CDC123: variants seen among roughly 807,000 people sequenced by gnomAD.
The protein encoded by CDC123 is translation initiation factor eIF2 assembly protein.
In CDC123, 37 loss-of-function variants were observed where a neutral mutation model predicts 54.4. That is an observed-to-expected ratio of 0.68 (90% CI 0.52 to 0.89). CDC123 has a LOEUF of 0.89. CDC123 is among the 40% of genes least tolerant of loss of function. The pLI is 0.00. For missense variants in CDC123, 361 were observed against 412.1 expected, an observed-to-expected ratio of 0.88 and a Z score of 1.07; for synonymous variants, 144 against 136.8, an observed-to-expected ratio of 1.05 and a Z score of -0.37.
intron 10 of CDC123, among the ~76,000 whole-genome samples, chr10:12,241,610 C>T (rs1464299789): frequency 1.3e-5 from 2 of 152,192 alleles, no homozygotes; most frequent in African/African-American, 4.8e-5. Flanking sequence ...TACAGACTCT[C>T]ATCCGGGTTG....
At chr10:12,231,476 T>G (rs1835901465) in intron 7 of CDC123, among the ~76,000 whole-genome samples, 1 of 151,872 alleles carries the variant, frequency 6.6e-6, no homozygotes, top group South Asian at 2.1e-4. Flanking sequence ...AATACAAAAA[T>G]TAGCTGGGTG....
intron 6 of CDC123, among the ~76,000 whole-genome samples, chr10:12,228,138 T>C (rs955632596): frequency 3.9e-5 from 6 of 152,094 alleles, no homozygotes; most frequent in Admixed American, 6.6e-5. Context: ...CCTAGCTTTG[T>C]TGCCCAGGCT....
intron 2 of CDC123, among the ~76,000 whole-genome samples, chr10:12,200,328 T>C (rs1297403034): frequency 6.6e-6 from 1 of 150,932 alleles, no homozygotes; most frequent in Non-Finnish European, 1.5e-5. Context: ...GGTTTCACCA[T>C]GTTGGCCGGG....
At chr10:12,208,086 A>C (rs1192874425) in intron 2 of CDC123, among the ~76,000 whole-genome samples, 1 of 152,008 alleles carries the variant, frequency 6.6e-6, no homozygotes, top group East Asian at 1.9e-4. Context: ...TTCACTCAGC[A>C]TTGTCCTTGG....
rs117004479 is a variant in CDC123 at position 12,220,310 on chromosome 10, G to A, written c.440+2843G>A. Among the ~76,000 whole-genome samples the A allele has an allele frequency of 2.7e-3, 418 of 152,154 alleles. 5 individuals carry two copies. The East Asian group carries it at 0.057, about 21-fold the overall frequency. On this transcript the variant is annotated intron_variant, in intron 6 of 12. Transcript: ENST00000281141. The stretch of plus-strand genomic sequence containing the variant: ...AAGCTACGTCTTGCTTTTTATCTTC[G>A]TTTAACTGATGTTCCAGTGGATGGT...
chr10:12,207,929 G>A (rs1835543192), intron 2 of CDC123, among the ~76,000 whole-genome samples: 1 of 152,142 alleles, frequency 6.6e-6, no homozygotes, highest in Non-Finnish European at 1.5e-5. Flanking sequence ...GATATGTCTC[G>A]CTGCTCCCTG....
At chr10:12,237,070 A>C in intron 8 of CDC123, 74 bp from the exon 9 acceptor site, 1 of 1,415,490 alleles carries the variant, frequency 7.1e-7, no homozygotes. Context: ...TTTCCACAAA[A>C]TGTTTAAATC....
intron 9 of CDC123, 143 bp downstream of exon 9, chr10:12,237,409 G>T: frequency 1.6e-6 from 1 of 613,156 alleles, no homozygotes; most frequent in Non-Finnish European, 2.4e-6. Flanking sequence ...TGTTATTTTT[G>T]ATAGTTTGTA....
At chr10:12,224,669 A>G (rs962691175) in intron 6 of CDC123, among the ~76,000 whole-genome samples, 1 of 152,250 alleles carries the variant, frequency 6.6e-6, no homozygotes, top group Non-Finnish European at 1.5e-5. Context: ...ACTGTAGTTG[A>G]ATACCACGTT....
chr10:12,243,513 G>T (rs1836088059), intron 10 of CDC123, among the ~76,000 whole-genome samples: 1 of 152,144 alleles, frequency 6.6e-6, no homozygotes. Flanking sequence ...TAGAGGCTGG[G>T]CACAGAGGGT....
chr10:12,228,878 C>T (rs1835862783), intron 6 of CDC123, among the ~76,000 whole-genome samples: 1 of 152,066 alleles, frequency 6.6e-6, no homozygotes, highest in Non-Finnish European at 1.5e-5. Context: ...CCACGCCTGG[C>T]TAATTTTTGT....
chr10:12,249,958 A>C (rs1194977551), intron 12 of CDC123: 2 of 517,290 alleles, frequency 3.9e-6, no homozygotes, highest in African/African-American at 1.9e-5. Flanking sequence ...ACATTTTTCA[A>C]AATACTTGTA....
At chr10:12,198,892 T>A in intron 2 of CDC123, 116 bp downstream of exon 2, 1 of 648,588 alleles carries the variant, frequency 1.5e-6, no homozygotes, top group South Asian at 1.8e-5. Flanking sequence ...CTAGCCAAAA[T>A]GATGTGCTGA....
chr10:12,233,755 G>A (rs1030249614), intron 7 of CDC123, among the ~76,000 whole-genome samples: 1 of 151,984 alleles, frequency 6.6e-6, no homozygotes, highest in Non-Finnish European at 1.5e-5. Context: ...AATGAAAAAT[G>A]AAATCAGTGC....
intron 6 of CDC123, 128 bp downstream of exon 6, chr10:12,217,595 C>A: frequency 1.2e-6 from 1 of 843,598 alleles, no homozygotes; most frequent in Non-Finnish European, 1.7e-6. Flanking sequence ...TTTCATATTG[C>A]CAAAATGACC....
chr10:12,210,813 G>T (rs997489025), intron 4 of CDC123, among the ~76,000 whole-genome samples: 1 of 152,116 alleles, frequency 6.6e-6, no homozygotes, highest in Non-Finnish European at 1.5e-5. Flanking sequence ...CTATTCTCCT[G>T]CCTCAGCCTC....
chr10:12,226,732 C>T (rs991801517), intron 6 of CDC123, among the ~76,000 whole-genome samples: 12 of 150,092 alleles, frequency 8.0e-5, no homozygotes, highest in East Asian at 6.0e-4. Context: ...ATTTCCTAGA[C>T]GGGATGGCGG....
At chr10:12,230,787 A>G (rs1379704165) in intron 6 of CDC123, among the ~76,000 whole-genome samples, 161 bp from the exon 7 acceptor site, 1 of 152,228 alleles carries the variant, frequency 6.6e-6, no homozygotes, top group African/African-American at 2.4e-5. Context: ...AATGCAAAGC[A>G]TTGAATACGG....
intron 5 of CDC123, 61 bp from the exon 6 acceptor site, chr10:12,217,300 C>G: frequency 6.5e-7 from 1 of 1,527,656 alleles, no homozygotes; most frequent in East Asian, 2.3e-5. Context: ...TGTTATAGGC[C>G]TGAGCATTCA....
Sources: allele counts gnomAD v4.1 joint callset (sites outside exome capture counted in the v4.1 genomes callset), GRCh38; gene constraint gnomAD v4.1.1; transcripts MANE v1.5; gene names NCBI Gene and HGNC (gene_info 2026-07-23, HGNC 2026-07-21).